Variants in VWDE observed in about 807,000 individuals in gnomAD.
VWDE encodes von Willebrand factor D and EGF domain-containing protein.
VWDE carries 207 observed loss-of-function variants against 178.4 expected under a neutral mutation model. That is an observed-to-expected ratio of 1.16 (90% CI 1.04 to 1.30). The LOEUF (loss-of-function observed/expected upper bound fraction) is 1.30. Among genes scored for constraint, VWDE ranks in the 50% most tolerant of loss-of-function variants. The probability of loss-of-function intolerance (pLI) is 0.00; values close to 1 mark genes in which losing one functional copy is unlikely to be tolerated. For synonymous variants in VWDE, 738 were observed against 651.4 expected, an observed-to-expected ratio of 1.13 and a Z score of -2.02; for missense variants, 2,287 against 1,901.3, an observed-to-expected ratio of 1.20 and a Z score of -3.77.
rs1785026347 is a variant in VWDE at position 12,403,699 on chromosome 7, G to C, written c.18C>G (p.Cys6Trp). ...GGAACATCAGCGCGATCACCAGCACGCAGGCTCCGCCAGGCATCGCTGCTT... is the reference window on the plus strand; with the variant it reads ...GGAACATCAGCGCGATCACCAGCACCCAGGCTCCGCCAGGCATCGCTGCTT... MPGGA[C>W]VLVIALMFLA... is the part of the protein sequence containing the mutation. The change falls in exon 1 of 29, where the codon TGC becomes TGG. Residue 6 changes from cysteine (C) to tryptophan (W), a missense_variant. Transcript: ENST00000275358. 2.6e-6 allele frequency: 4 copies of C among 1,549,122 alleles called. No individual in the cohort carries two copies. The highest frequency in any genetic ancestry group is 3.5e-6 in the Non-Finnish European group (4 of 1,146,460).
Position 12,403,781 on chromosome 7 carries a change from G to C in VWDE, c.-65C>G. On this transcript the variant is annotated 5_prime_UTR_variant, in exon 1 of 29. Coordinates refer to ENST00000275358, the MANE Select transcript of VWDE (RefSeq NM_001135924.3). ...CGGGCCGCGGGTGCCAGGAGGATGG[G>C]GCCACAGCAGCCCCTCGGGCCTCCT... 14 of 1,505,634 alleles carry C rather than the reference G, an allele frequency of 9.3e-6. No individual in the cohort carries two copies. The highest frequency in any genetic ancestry group is 1.3e-5 in the Non-Finnish European group (14 of 1,107,684). 93.3% of individuals were successfully genotyped at this position (1,505,634 alleles called of 1,614,324 possible).
In VWDE at chr7:12,361,359, T is replaced by A. The variant is rs1782568722; in HGVS notation, c.3054+7A>T. On this transcript the variant is annotated splice_region_variant and intron_variant, in intron 14 of 28. Coordinates refer to ENST00000275358, the MANE Select transcript of VWDE (RefSeq NM_001135924.3). The stretch of plus-strand genomic sequence containing the variant: ...TATAAATATGAAGATGTCTTTTTAT[T>A]TTTTACCTTCAACTGCCACTTCCCA... 2 of 1,546,072 alleles carry A rather than the reference T, an allele frequency of 1.3e-6. No homozygotes were observed. The highest frequency in any genetic ancestry group is 1.7e-6 in the Non-Finnish European group (2 of 1,145,056).
chr7:12,389,377 CAA>C lies in VWDE; in HGVS notation c.244-21_244-20del, dbSNP rs1562516695. The stretch of plus-strand genomic sequence containing the variant: ...GGTTCATCTTTTGCAGGAGAGAAAA[CAA>C]AAGTTGAAAATTCAGTTTATTTTCA... On this transcript the variant is annotated intron_variant, in intron 2 of 28. Coordinates refer to ENST00000275358, the MANE Select transcript of VWDE (RefSeq NM_001135924.3). 1 of 1,512,036 alleles carries C rather than the reference CAA, an allele frequency of 6.6e-7. No homozygotes were observed. The highest frequency in any genetic ancestry group is 9.0e-7 in the Non-Finnish European group (1 of 1,115,216). 93.7% of individuals were successfully genotyped at this position (1,512,036 alleles called of 1,614,324 possible).
chr7:12,389,690 C>G (rs945001621), intron 2 of VWDE, among the ~76,000 whole-genome samples: 1 of 152,110 alleles, frequency 6.6e-6, no homozygotes, highest in Non-Finnish European at 1.5e-5. Flanking sequence ...TAAGACAAGT[C>G]AATCTGAAGT....
Position 12,331,179 on chromosome 7 carries a change from C to T in VWDE, c.*4G>A, listed in dbSNP as rs139175638. The T allele has an allele frequency of 3.2e-6, 5 of 1,541,442 alleles. 1 individual carries two copies. In the African/African-American group the frequency reaches 6.9e-5, roughly 21 times the overall value. ...AGGCTTGTAATTCATATACTTGATGCTACTCAATGGCGTCTTATCTGTAGT... is the reference window on the plus strand; with the variant it reads ...AGGCTTGTAATTCATATACTTGATGTTACTCAATGGCGTCTTATCTGTAGT... On this transcript the variant is annotated 3_prime_UTR_variant, in exon 29 of 29. Coordinates refer to ENST00000275358, the MANE Select transcript of VWDE (RefSeq NM_001135924.3).
chr7:12,399,321 T>C (rs764572143), intron 1 of VWDE, among the ~76,000 whole-genome samples: 54 of 152,074 alleles, frequency 3.6e-4, no homozygotes, highest in Non-Finnish European at 6.8e-4. Flanking sequence ...ATAAACGTCT[T>C]ACCAGAGACA....
chr7:12,340,411 C>A lies in VWDE; in HGVS notation c.4277G>T (p.Cys1426Phe). 6.4e-7 allele frequency: 1 copy of A among 1,550,508 alleles called. No individual in the cohort carries two copies. The highest frequency in any genetic ancestry group is 1.2e-5 in the South Asian group (1 of 83,824). ...ACCACCATTGAGGCAGACAGGGTCGCACAAAGCTAATAAACAGCAGGAGGA... is the reference window on the plus strand; with the variant it reads ...ACCACCATTGAGGCAGACAGGGTCGAACAAAGCTAATAAACAGCAGGAGGA... ...WYGPTCSTAL[C>F]DPVCLNGGSC... Residue 1426 changes from cysteine to phenylalanine, a missense_variant, in exon 24 of 29, where the codon TGC (cysteine) becomes TTC (phenylalanine). Transcript: ENST00000275358.
At position 12,370,449 on chromosome 7, in the gene VWDE, C is replaced by T. The variant is rs1382775919; in HGVS notation, c.1857G>A (p.Lys619=). Residue 619 remains lysine, a synonymous_variant, in exon 12 of 29, where the codon AAG becomes AAA. Transcript: ENST00000275358. The stretch of plus-strand genomic sequence containing the variant: ...CCAATGAACAGCTACAATAGGATGG[C>T]TTTCCAGGTGATGTCATAGAAACTG... The part of the protein sequence containing the change: ...TLPVSMTSPG[K]PSYCSCSLDT... 6.5e-7 allele frequency: 1 copy of T among 1,543,248 alleles called. No individual in the cohort carries two copies. Among genetic ancestry groups the T allele is most frequent in the Admixed American group, 2.0e-5 (1 of 50,966 alleles).
At chr7:12,387,345 G>T (rs1204057715) in intron 3 of VWDE, among the ~76,000 whole-genome samples, 2 of 151,924 alleles carry the variant, frequency 1.3e-5, no homozygotes, top group South Asian at 4.1e-4. Flanking sequence ...AAAAAAGATT[G>T]CATTACAGAC....
chr7:12,334,630 A>T (rs2128543911), intron 27 of VWDE, among the ~76,000 whole-genome samples: 1 of 152,312 alleles, frequency 6.6e-6, no homozygotes, highest in South Asian at 2.1e-4. Flanking sequence ...ATATTAAGAC[A>T]ATTTCTCAAT....
intron 10 of VWDE, 127 bp downstream of exon 10, chr7:12,372,850 G>T: frequency 1.1e-6 from 1 of 870,544 alleles, no homozygotes; most frequent in Non-Finnish European, 1.7e-6. Context: ...CTAAGATGAT[G>T]GTTAATATAA....
intron 13 of VWDE, among the ~76,000 whole-genome samples, chr7:12,366,816 T>C (rs1782883668): frequency 6.6e-6 from 1 of 152,122 alleles, no homozygotes; most frequent in Non-Finnish European, 1.5e-5. Context: ...GAAGACCATT[T>C]AAATAATCAT....
intron 13 of VWDE, among the ~76,000 whole-genome samples, chr7:12,366,819 A>G (rs966276129): frequency 6.6e-5 from 10 of 152,132 alleles, no homozygotes; most frequent in Non-Finnish European, 1.5e-5. Flanking sequence ...GACCATTTAA[A>G]TAATCATCAA....
At position 12,375,260 on chromosome 7, in the gene VWDE, C is replaced by T. The variant is rs757684610; in HGVS notation, c.1025-33G>A. The T allele has an allele frequency of 5.4e-6, 8 of 1,475,700 alleles. No individual in the cohort carries two copies. The Middle Eastern group carries it at 6.8e-4, about 126-fold the overall frequency. The allele number at this position is 1,475,700 out of a possible 1,614,324, so 91.4% of individuals were successfully genotyped here. ...ATGAAAAAATAGGTTTAAAAATTTC[C>T]AAGAGAATATACTAACCAAAGCATG... is the stretch of plus-strand genomic sequence containing the variant. On this transcript the variant is annotated intron_variant, in intron 7 of 28. Coordinates refer to ENST00000275358, the MANE Select transcript of VWDE (RefSeq NM_001135924.3).
chr7:12,402,255 T>C (rs1207048241), intron 1 of VWDE, among the ~76,000 whole-genome samples: 1 of 152,204 alleles, frequency 6.6e-6, no homozygotes, highest in African/African-American at 2.4e-5. Context: ...TACCTGTAAA[T>C]ATACTCTGAA....
At chr7:12,346,472 G>A (rs1159964353) in intron 19 of VWDE, among the ~76,000 whole-genome samples, 2 of 151,918 alleles carry the variant, frequency 1.3e-5, no homozygotes, top group Non-Finnish European at 2.9e-5. Context: ...GCAAAAATTG[G>A]GAAATTATAT....
At chr7:12,372,728 A>G (rs1209980404) in intron 10 of VWDE, among the ~76,000 whole-genome samples, 1 of 152,142 alleles carries the variant, frequency 6.6e-6, no homozygotes, top group Admixed American at 6.6e-5. Flanking sequence ...AGTAATTTTA[A>G]TGAATAATCC....
At chr7:12,375,590 TTCTG>T (rs1197439995) in intron 7 of VWDE, among the ~76,000 whole-genome samples, 1 of 151,972 alleles carries the variant, frequency 6.6e-6, no homozygotes, top group East Asian at 1.9e-4. Flanking sequence ...ACATGATTTT[TTCTG>T]TCTAAGATTT....
chr7:12,356,463 C>A, intron 17 of VWDE, 133 bp from the exon 18 acceptor site: 1 of 654,176 alleles, frequency 1.5e-6, no homozygotes, highest in Non-Finnish European at 2.6e-6. Flanking sequence ...TATATATACA[C>A]ACACACACAA....
Sources: gnomAD v4.1 joint callset for allele counts (sites outside exome capture counted in the v4.1 genomes callset) on GRCh38, gnomAD v4.1.1 for gene constraint, MANE v1.5 for transcripts, NCBI Gene and HGNC (gene_info 2026-07-23, HGNC 2026-07-21) for gene names.